Variants in INTS15 observed in about 807,000 individuals in gnomAD.
INTS15 encodes the protein integrator complex subunit 15.
the INTS15 span, chr7:6,600,368 C>G: frequency 6.2e-7 from 1 of 1,603,338 alleles, no homozygotes; most frequent in African/African-American, 1.3e-5. Context: ...TGGGTGCCTC[C>G]CTGGCCCAGG....
At chr7:6,602,088 T>A in the INTS15 span, 1 of 1,611,936 alleles carries the variant, frequency 6.2e-7, no homozygotes, top group Non-Finnish European at 8.5e-7. Flanking sequence ...ATCTTGTATC[T>A]CCTTAATTGC....
At chr7:6,597,728 A>AAG in the INTS15 span, among the ~76,000 whole-genome samples, 1 of 36,102 alleles carries the variant, frequency 2.8e-5, no homozygotes, top group Non-Finnish European at 6.0e-5. Context: ...GCAGATCTGA[A>AAG]ACTGTTTTTC....
At chr7:6,594,001 C>CTTTTTTT in the INTS15 span, among the ~76,000 whole-genome samples, 8 of 68,950 alleles carry the variant, frequency 1.2e-4, no homozygotes, top group African/African-American at 2.2e-4. Context: ...AAGCCTTTAA[C>CTTTTTTT]TTTTTTTTTT....
the INTS15 span, among the ~76,000 whole-genome samples, chr7:6,595,942 C>T: frequency 0.33 from 49,796 of 152,048 alleles, 9,843 homozygotes; most frequent in Non-Finnish European, 0.46. Context: ...TCTTTCTCTT[C>T]CTGGTCTGAT....
chr7:6,602,078 AT>A, the INTS15 span: 21 of 1,609,972 alleles, frequency 1.3e-5, no homozygotes, highest in East Asian at 4.5e-4. Flanking sequence ...ATGTTCATTA[AT>A]CTTGTATCTC....
chr7:6,592,104 G>C, the INTS15 span, among the ~76,000 whole-genome samples: 2 of 152,014 alleles, frequency 1.3e-5, no homozygotes, highest in Non-Finnish European at 2.9e-5. Context: ...CCGGGAGGCA[G>C]AGGTTGCAGT....
chr7:6,592,096 G>C, the INTS15 span, among the ~76,000 whole-genome samples: 1 of 151,974 alleles, frequency 6.6e-6, no homozygotes, highest in Non-Finnish European at 1.5e-5. Flanking sequence ...ACATGAACCC[G>C]GGAGGCAGAG....
the INTS15 span, chr7:6,591,501 T>C: frequency 1.6e-6 from 1 of 636,268 alleles, no homozygotes; most frequent in South Asian, 1.8e-5. Context: ...CTTGACCTCG[T>C]GATTCGCCCA....
At chr7:6,600,972 A>G in the INTS15 span, among the ~76,000 whole-genome samples, 1 of 148,604 alleles carries the variant, frequency 6.7e-6, no homozygotes. Flanking sequence ...ATTTCTCTTT[A>G]TTTATTTTTA....
the INTS15 span, chr7:6,599,685 C>A: frequency 1.3e-6 from 1 of 765,818 alleles, no homozygotes; most frequent in Non-Finnish European, 2.1e-6. Context: ...GGAAAGGGGA[C>A]AGAAAATAGC....
At chr7:6,600,077 G>T in the INTS15 span, 5 of 1,614,112 alleles carry the variant, frequency 3.1e-6, no homozygotes, top group Non-Finnish European at 4.2e-6. Context: ...GGACCCGGGC[G>T]TGGGGATGGA....
Sources: allele counts gnomAD v4.1 joint callset (sites outside exome capture counted in the v4.1 genomes callset), GRCh38; gene constraint gnomAD v4.1.1; transcripts MANE v1.5; gene names NCBI Gene and HGNC (gene_info 2026-07-23, HGNC 2026-07-21).